Variants in SIMC1 observed in about 807,000 individuals in gnomAD.
SIMC1 encodes the protein SUMO-interacting motif-containing protein 1.
Under a neutral mutation model 82.3 loss-of-function variants are expected in SIMC1, and 55 were observed. That is an observed-to-expected ratio of 0.67 (90% CI 0.54 to 0.84). The LOEUF (loss-of-function observed/expected upper bound fraction) is 0.84, where lower values mean the gene tolerates loss of function less well. SIMC1 is among the 40% of genes least tolerant of loss of function. SIMC1 has a pLI of 0.00. For missense variants in SIMC1, 915 were observed against 1,107.2 expected (o/e 0.83, Z 2.46); for synonymous variants, 353 against 426.3 (o/e 0.83, Z 2.12).
In SIMC1 at chr5:176,265,291, C is replaced by T. The variant is rs568419690; in HGVS notation, c.130-24363C>T. Among the ~76,000 whole-genome samples the T allele has an allele frequency of 2.7e-4, 41 of 151,978 alleles. 1 individual carries two copies. In the South Asian group the frequency reaches 8.3e-3, roughly 31 times the overall value. ...TCAAACAAACAAACAAACAAACAAA[C>T]AGGATTCTGACCGAAACTAATTTGC... On this transcript the variant is annotated intron_variant, in intron 1 of 9. Coordinates refer to ENST00000429602, the MANE Select transcript of SIMC1 (RefSeq NM_001308195.2).
intron 4 of SIMC1, among the ~76,000 whole-genome samples, chr5:176,303,693 C>T (rs751145323): frequency 1.3e-5 from 2 of 152,098 alleles, no homozygotes; most frequent in African/African-American, 4.8e-5. Flanking sequence ...TATAAAGCTA[C>T]AGTACTCAAA....
At chr5:176,296,150 A>T in intron 3 of SIMC1, 101 bp from the exon 4 acceptor site, 1 of 1,587,234 alleles carries the variant, frequency 6.3e-7, no homozygotes, top group South Asian at 1.1e-5. Context: ...ATGGAGGATA[A>T]TGGAGGATAG....
intron 1 of SIMC1, among the ~76,000 whole-genome samples, chr5:176,247,212 T>C (rs1378926646): frequency 6.6e-6 from 1 of 152,192 alleles, no homozygotes; most frequent in Non-Finnish European, 1.5e-5. Flanking sequence ...TGAACTAATT[T>C]ACACTCCCTC....
chr5:176,284,306 A>G (rs1385944123), intron 1 of SIMC1, among the ~76,000 whole-genome samples: 1 of 152,256 alleles, frequency 6.6e-6, no homozygotes, highest in Non-Finnish European at 1.5e-5. Flanking sequence ...GTAAAAACAG[A>G]AATTATAACA....
At chr5:176,275,515 G>T (rs112976027) in intron 1 of SIMC1, among the ~76,000 whole-genome samples, 2 of 151,880 alleles carry the variant, frequency 1.3e-5, no homozygotes, top group African/African-American at 2.4e-5. Context: ...CTGTGTTGAA[G>T]AGGAGTGGTG....
chr5:176,247,358 GTGA>G (rs761761061), intron 1 of SIMC1, among the ~76,000 whole-genome samples: 25 of 152,280 alleles, frequency 1.6e-4, no homozygotes, highest in Non-Finnish European at 3.1e-4. Flanking sequence ...CTAATGACCA[GTGA>G]TGATGAGCTT....
intron 1 of SIMC1, among the ~76,000 whole-genome samples, chr5:176,269,854 T>A (rs1195950735): frequency 1.3e-5 from 2 of 152,022 alleles, no homozygotes; most frequent in Non-Finnish European, 2.9e-5. Context: ...TAAGCCGTCC[T>A]CCCTTCTGAG....
rs180793816 is a variant in SIMC1 at position 176,300,809 on chromosome 5, A to G, written c.1734+4489A>G. Among the ~76,000 whole-genome samples the G allele has an allele frequency of 3.7e-3, 560 of 152,326 alleles. 3 individuals carry two copies. The highest frequency in any genetic ancestry group is 0.013 in the African/African-American group (532 of 41,570). On this transcript the variant is annotated intron_variant, in intron 4 of 9. Transcript: ENST00000429602. Reference sequence around the variant, plus strand: ...CAGAAATAAAAAGGATTATAAGAGAATACTACCAACAATTATACCCCCAAT... The same window carrying G: ...CAGAAATAAAAAGGATTATAAGAGAGTACTACCAACAATTATACCCCCAAT...
At chr5:176,286,514 G>C (rs528955525) in intron 1 of SIMC1, among the ~76,000 whole-genome samples, 3 of 152,294 alleles carry the variant, frequency 2.0e-5, no homozygotes, top group East Asian at 3.9e-4. Context: ...TTAAATGTTA[G>C]ATCTAAAAGC....
chr5:176,279,525 G>A (rs1274091215), intron 1 of SIMC1, among the ~76,000 whole-genome samples: 2 of 150,882 alleles, frequency 1.3e-5, no homozygotes. Context: ...GCTTTTGAAT[G>A]TGTTTGCTCT....
At chr5:176,271,049 T>A (rs1307732147) in intron 1 of SIMC1, among the ~76,000 whole-genome samples, 1 of 152,062 alleles carries the variant, frequency 6.6e-6, no homozygotes, top group East Asian at 1.9e-4. Flanking sequence ...GCAGCACAAC[T>A]CACAGCACCG....
intron 4 of SIMC1, among the ~76,000 whole-genome samples, chr5:176,309,875 C>T (rs1035070235): frequency 2.0e-5 from 3 of 152,084 alleles, no homozygotes; most frequent in African/African-American, 7.2e-5. Context: ...TTTGAGGCTG[C>T]GGTGAGCTAT....
intron 1 of SIMC1, among the ~76,000 whole-genome samples, chr5:176,264,932 G>C (rs990378136): frequency 5.3e-5 from 8 of 152,136 alleles, no homozygotes; most frequent in African/African-American, 1.9e-4. Flanking sequence ...ACTTTGGGAG[G>C]CCAAGGAGGG....
rs143155038 is a variant in SIMC1 at position 176,255,352 on chromosome 5, C to T, written c.129+16715C>T. Among the ~76,000 whole-genome samples, 1,771 of 151,366 alleles carry T rather than the reference C, an allele frequency of 0.012. 111 individuals are homozygous for T. In the East Asian group the frequency reaches 0.18, roughly 15 times the overall value. ...ATCCCAGCACTTTGGGAGGCTGAGG[C>T]GAGCTGATCACTTGAGGACAGGAAT... On this transcript the variant is annotated intron_variant, in intron 1 of 9. Transcript: ENST00000429602.
intron 3 of SIMC1, among the ~76,000 whole-genome samples, chr5:176,295,936 G>T (rs897819966): frequency 6.6e-6 from 1 of 152,158 alleles, no homozygotes; most frequent in African/African-American, 2.4e-5. Context: ...AGAACAGCAC[G>T]ATTGGCTAAA....
chr5:176,329,197 C>T (rs538115695), intron 7 of SIMC1, among the ~76,000 whole-genome samples: 68 of 152,150 alleles, frequency 4.5e-4, no homozygotes, highest in African/African-American at 1.4e-3. Flanking sequence ...TCTGGCCGGG[C>T]GCGGGGGCTC....
chr5:176,281,617 C>T (rs980920067), intron 1 of SIMC1, among the ~76,000 whole-genome samples: 1 of 152,078 alleles, frequency 6.6e-6, no homozygotes, highest in East Asian at 1.9e-4. Flanking sequence ...GTGTGGATGT[C>T]CTTTCTGTTT....
chr5:176,344,555 A>G (rs1043663156), intron 9 of SIMC1, among the ~76,000 whole-genome samples: 1 of 152,136 alleles, frequency 6.6e-6, no homozygotes, highest in Non-Finnish European at 1.5e-5. Context: ...TCACAGTTCT[A>G]CAGGCTGTAC....
rs1454699926 is a variant in SIMC1 at position 176,306,069 on chromosome 5, G to A, written c.1735-7622G>A. Among the ~76,000 whole-genome samples the A allele has an allele frequency of 3.5e-4, 28 of 80,814 alleles. 1 individual carries two copies. The highest frequency in any genetic ancestry group is 1.3e-3 in the African/African-American group (27 of 20,746). 53.0% of individuals were successfully genotyped at this position (80,814 alleles called of 152,430 possible). ...GCCCCCCCGCCCGGCCAGCCGCTCC[G>A]TCCGGGAGGTGAGGGGCGCCTCTGC... On this transcript the variant is annotated intron_variant, in intron 4 of 9. Transcript: ENST00000429602.
Sources: allele counts gnomAD v4.1 joint callset (sites outside exome capture counted in the v4.1 genomes callset), GRCh38; gene constraint gnomAD v4.1.1; transcripts MANE v1.5; gene names NCBI Gene and HGNC (gene_info 2026-07-23, HGNC 2026-07-21).